Variants in ATG7 observed in about 807,000 individuals in gnomAD.
ATG7 encodes ubiquitin-like modifier-activating enzyme ATG7.
Under a neutral mutation model 82.4 loss-of-function variants are expected in ATG7, and 70 were observed. The ratio of observed to expected loss-of-function variants is 0.85; its 90% CI spans 0.70 to 1.04. The LOEUF is 1.04. ATG7 is among the 50% of genes least tolerant of loss of function. The pLI, the probability that ATG7 is intolerant of heterozygous loss-of-function variation, is 0.00. For missense variants in ATG7, 792 were observed against 864.3 expected (o/e 0.92, Z 1.05); for synonymous variants, 287 against 313.0 (o/e 0.92, Z 0.88).
At chr3:11,509,880 T>C (rs771016528) in intron 20 of ATG7, among the ~76,000 whole-genome samples, 2 of 152,190 alleles carry the variant, frequency 1.3e-5, no homozygotes, top group Non-Finnish European at 2.9e-5. Flanking sequence ...TCCATACTTA[T>C]TTACTGGGTC....
downstream of ATG7, among the ~76,000 whole-genome samples, chr3:11,560,276 G>C (rs755777001): frequency 6.6e-6 from 1 of 152,150 alleles, no homozygotes. Context: ...GCTTTGGTGT[G>C]GAACCTGGGA....
At chr3:11,385,165 G>C (rs1156393897) in intron 19 of ATG7, among the ~76,000 whole-genome samples, 1 of 152,092 alleles carries the variant, frequency 6.6e-6, no homozygotes, top group Non-Finnish European at 1.5e-5. Flanking sequence ...GGGGAGCTGG[G>C]ACTACAGGCG....
At chr3:11,363,949 A>G (rs989565444) in intron 17 of ATG7, among the ~76,000 whole-genome samples, 2 of 152,106 alleles carry the variant, frequency 1.3e-5, no homozygotes, top group Non-Finnish European at 2.9e-5. Context: ...CATCCACCTT[A>G]GCTATCTGTC....
the ATG7 span, chr3:11,565,137 T>C: frequency 9.5e-7 from 1 of 1,051,722 alleles, no homozygotes; most frequent in Non-Finnish European, 1.3e-6. The surrounding 1 kb of genome is among the most constrained non-coding windows in gnomAD (Gnocchi z 4.1). Context: ...TCAGGTCGTG[T>C]GGCTGGGCAG....
At chr3:11,430,614 A>G (rs1264808469) in intron 20 of ATG7, among the ~76,000 whole-genome samples, 3 of 152,216 alleles carry the variant, frequency 2.0e-5, no homozygotes, top group Non-Finnish European at 2.9e-5. Context: ...GTGTTTAAAA[A>G]ATATACTGAA....
At chr3:11,466,404 G>A (rs1193085872) in intron 20 of ATG7, among the ~76,000 whole-genome samples, 2 of 152,154 alleles carry the variant, frequency 1.3e-5, no homozygotes, top group Admixed American at 1.3e-4. Context: ...TATTGCAAAG[G>A]GCATGAATAC....
intron 20 of ATG7, among the ~76,000 whole-genome samples, chr3:11,514,796 C>T (rs930990043): frequency 1.3e-5 from 2 of 152,028 alleles, no homozygotes; most frequent in Non-Finnish European, 2.9e-5. Flanking sequence ...GAAGTATGTT[C>T]CACGCAGGAG....
intron 13 of ATG7, among the ~76,000 whole-genome samples, chr3:11,344,620 AGTTTGGGAGGCCAAGGTGGGCGGATC>A (rs1323583621): frequency 2.4e-4 from 37 of 152,288 alleles, no homozygotes; most frequent in African/African-American, 8.7e-4. Context: ...CAATCCCAGC[AGTTTGGGAGGCCAAGGTGGGCGGATC>A]GTTTGAGCTC....
At chr3:11,440,702 AG>A (rs2083852621) in intron 20 of ATG7, among the ~76,000 whole-genome samples, 1 of 4,002 alleles carries the variant, frequency 2.5e-4, no homozygotes, top group African/African-American at 9.8e-4. Context: ...TTTTTTTTTG[AG>A]ACGGACTTTC....
At chr3:11,312,558 A>C (rs1430053167) in intron 7 of ATG7, among the ~76,000 whole-genome samples, 1 of 152,156 alleles carries the variant, frequency 6.6e-6, no homozygotes, top group African/African-American at 2.4e-5. Flanking sequence ...CACTCGCTTT[A>C]TCTCTGCTCT....
intron 11 of ATG7, among the ~76,000 whole-genome samples, chr3:11,335,999 G>A (rs951623458): frequency 3.3e-5 from 5 of 150,036 alleles, no homozygotes; most frequent in Non-Finnish European, 5.9e-5. Flanking sequence ...GCCTCCCAAA[G>A]TGCTGGGACT....
intron 20 of ATG7, among the ~76,000 whole-genome samples, chr3:11,513,495 C>T (rs1206770018): frequency 1.3e-5 from 2 of 152,364 alleles, no homozygotes; most frequent in East Asian, 3.9e-4. Flanking sequence ...GGTGCTAAGC[C>T]CCTCATTGCC....
At chr3:11,410,378 A>G (rs1196029667) in intron 19 of ATG7, among the ~76,000 whole-genome samples, 1 of 150,856 alleles carries the variant, frequency 6.6e-6, no homozygotes, top group East Asian at 1.9e-4. Context: ...CAATTCAGAA[A>G]TTTGTCTTGT....
Position 11,554,920 on chromosome 3 carries a change from C to G in ATG7, c.*77C>G. 6.5e-7 allele frequency: 1 copy of G among 1,546,626 alleles called. No homozygotes were observed. Among genetic ancestry groups the G allele is most frequent in the Non-Finnish European group, 8.8e-7 (1 of 1,141,440 alleles). ...TCCATCGCCAGAGCAGGACTGCTGACCCCAGGCCTGGTGATTCTGGGCCCC... is the reference window on the plus strand; with the variant it reads ...TCCATCGCCAGAGCAGGACTGCTGAGCCCAGGCCTGGTGATTCTGGGCCCC... On this transcript the variant is annotated 3_prime_UTR_variant, in exon 21 of 21. Transcript: ENST00000693202.
chr3:11,279,221 A>G (rs766920654), intron 1 of ATG7, among the ~76,000 whole-genome samples: 2 of 152,226 alleles, frequency 1.3e-5, no homozygotes, highest in Non-Finnish European at 2.9e-5. Flanking sequence ...ACCAGAGGGC[A>G]TTACTGCATT....
chr3:11,562,379 C>T (rs1462738331), downstream of ATG7, among the ~76,000 whole-genome samples: 2 of 152,192 alleles, frequency 1.3e-5, no homozygotes, highest in Admixed American at 6.5e-5. Flanking sequence ...AGATCTGAGA[C>T]ACATTTTCTG....
At chr3:11,301,330 A>T (rs903630161) in intron 5 of ATG7, among the ~76,000 whole-genome samples, 1 of 152,134 alleles carries the variant, frequency 6.6e-6, no homozygotes, top group African/African-American at 2.4e-5. Flanking sequence ...GCTTTATTGT[A>T]CCTCAGCAGT....
chr3:11,345,347 T>G (rs941310152), intron 13 of ATG7, among the ~76,000 whole-genome samples: 8 of 152,202 alleles, frequency 5.3e-5, no homozygotes, highest in African/African-American at 1.9e-4. Flanking sequence ...AGGTGGAGCT[T>G]GCAGTGAGCG....
At chr3:11,549,050 TTA>T (rs896681840) in intron 20 of ATG7, among the ~76,000 whole-genome samples, 22 of 152,196 alleles carry the variant, frequency 1.4e-4, no homozygotes, top group African/African-American at 5.3e-4. Flanking sequence ...CTTGCCAGCG[TTA>T]TCTCAGTGCA....
Sources: allele counts gnomAD v4.1 joint callset (sites outside exome capture counted in the v4.1 genomes callset), GRCh38; gene constraint gnomAD v4.1.1; non-coding constraint Gnocchi (gnomAD v3.1); transcripts MANE v1.5; gene names NCBI Gene and HGNC (gene_info 2026-07-23, HGNC 2026-07-21).